ANKFN1: variants seen among roughly 807,000 people sequenced by gnomAD.
The protein encoded by ANKFN1 is ankyrin repeat and fibronectin type III domain containing 1, also known as ankyrin repeat and fibronectin type-III domain-containing protein 1.
A neutral mutation model predicts 108.7 loss-of-function variants in ANKFN1; 74 were observed. The ratio of observed to expected loss-of-function variants is 0.68; its 90% CI spans 0.56 to 0.83. The LOEUF (loss-of-function observed/expected upper bound fraction) is 0.83, where lower values mean the gene tolerates loss of function less well. Among genes scored for constraint, ANKFN1 ranks in the 40% least tolerant of loss-of-function variants. The pLI is 0.00. For missense variants in ANKFN1, 1,505 were observed against 1,382.3 expected, an observed-to-expected ratio of 1.09 and a Z score of -1.41; for synonymous variants, 547 against 516.2, an observed-to-expected ratio of 1.06 and a Z score of -0.81.
chr17:56,160,670 G>A (rs912134529), intron 1 of ANKFN1, among the ~76,000 whole-genome samples: 2 of 152,146 alleles, frequency 1.3e-5, no homozygotes, highest in South Asian at 2.1e-4. Flanking sequence ...GGGAGCTGCC[G>A]ATTGCTTCCA....
At chr17:56,338,536 G>A in intron 4 of ANKFN1, among the ~76,000 whole-genome samples, 1 of 152,010 alleles carries the variant, frequency 6.6e-6, no homozygotes, top group East Asian at 1.9e-4. Flanking sequence ...GCTCTCTTAA[G>A]AGTGATATCC....
At chr17:56,320,785 T>A (rs963746062) in intron 3 of ANKFN1, among the ~76,000 whole-genome samples, 1 of 152,066 alleles carries the variant, frequency 6.6e-6, no homozygotes. Flanking sequence ...TTTAAGAGAA[T>A]CCCGTTTCTC....
Position 56,090,559 on chromosome 17 carries a change from A to G in ANKFN1, c.288+44234A>G, listed in dbSNP as rs745586479. Among the ~76,000 whole-genome samples, 15 of 150,918 alleles carry G rather than the reference A, an allele frequency of 9.9e-5. 1 individual carries two copies. The highest frequency in any genetic ancestry group is 2.1e-4 in the Non-Finnish European group (14 of 67,638). ...TCTTTGATAGTCACAAACACTGTCT[A>G]CTCTAGATTCTAATACAAAATTGTA... On this transcript the variant is annotated intron_variant, in intron 4 of 12. Transcript: ENST00000635860.
intron 4 of ANKFN1, among the ~76,000 whole-genome samples, chr17:56,336,689 T>C (rs2045820460): frequency 6.6e-6 from 1 of 152,200 alleles, no homozygotes; most frequent in African/African-American, 2.4e-5. Context: ...TCATTGATTT[T>C]TTTGAAGGGT....
intron 15 of ANKFN1, chr17:56,472,618 AC>A (rs1243150093): frequency 4.6e-5 from 7 of 152,248 alleles, no homozygotes. Flanking sequence ...ACAGAAAAAA[AC>A]AAATGAATAA....
At chr17:56,314,219 A>T (rs948025126) in intron 3 of ANKFN1, among the ~76,000 whole-genome samples, 8 of 152,186 alleles carry the variant, frequency 5.3e-5, no homozygotes, top group African/African-American at 1.9e-4. Flanking sequence ...GGCTGTTTTA[A>T]CTAAGACTGC....
chr17:56,076,156 G>A (rs952105748), intron 4 of ANKFN1, among the ~76,000 whole-genome samples: 1 of 152,052 alleles, frequency 6.6e-6, no homozygotes, highest in African/African-American at 2.4e-5. Context: ...TCTGTAATAT[G>A]GAATTCTCAA....
chr17:56,169,791 T>A (rs1486533835), intron 1 of ANKFN1, among the ~76,000 whole-genome samples: 2 of 152,212 alleles, frequency 1.3e-5, no homozygotes, highest in African/African-American at 4.8e-5. Flanking sequence ...CTGCTACTCC[T>A]GTTCTGCCCT....
intron 4 of ANKFN1, among the ~76,000 whole-genome samples, chr17:56,103,646 C>T (rs16956658): frequency 0.043 from 6,501 of 152,240 alleles, 472 homozygotes; most frequent in African/African-American, 0.15. Context: ...CAGTTTCATT[C>T]AACCAGCATA....
At chr17:56,372,965 A>G (rs1028953251) in intron 7 of ANKFN1, 125 bp downstream of exon 7, 11 of 965,946 alleles carry the variant, frequency 1.1e-5, no homozygotes, top group Non-Finnish European at 1.7e-5. Flanking sequence ...GTCAGCCTGT[A>G]TGGAGCAAGG....
chr17:56,384,343 C>G (rs1383500213), intron 8 of ANKFN1, among the ~76,000 whole-genome samples: 1 of 149,880 alleles, frequency 6.7e-6, no homozygotes, highest in Non-Finnish European at 1.5e-5. Context: ...ATAATAAGAG[C>G]TATCTATGAC....
chr17:56,233,890 G>C (rs563284358), intron 3 of ANKFN1, among the ~76,000 whole-genome samples: 2 of 151,912 alleles, frequency 1.3e-5, no homozygotes, highest in Non-Finnish European at 2.9e-5. Flanking sequence ...AAACAGAAAA[G>C]GTATACCTCA....
At chr17:56,273,949 T>C (rs1402711068) in intron 3 of ANKFN1, among the ~76,000 whole-genome samples, 2 of 152,220 alleles carry the variant, frequency 1.3e-5, no homozygotes, top group Non-Finnish European at 2.9e-5. Flanking sequence ...TTTCTTGACA[T>C]TGACTTCTTC....
intron 16 of ANKFN1, among the ~76,000 whole-genome samples, chr17:56,478,723 A>G (rs2050596062): frequency 6.8e-6 from 1 of 147,858 alleles, no homozygotes; most frequent in Admixed American, 6.6e-5. Context: ...GGAATAGACA[A>G]GAAAAAAAAA....
At chr17:56,170,919 C>T (rs1910642068) in intron 1 of ANKFN1, among the ~76,000 whole-genome samples, 1 of 150,602 alleles carries the variant, frequency 6.6e-6, no homozygotes, top group Non-Finnish European at 1.5e-5. Flanking sequence ...ACACATACAT[C>T]CCTATTTTCT....
rs2051068465 is a variant in ANKFN1, at chr17:56,492,365, T to C, written c.2427+12T>C. 8.6e-6 allele frequency: 6 copies of C among 700,208 alleles called. No homozygotes were observed. Among genetic ancestry groups the C allele is most frequent in the South Asian group, 1.5e-5 (1 of 67,508 alleles). 43.4% of individuals were successfully genotyped at this position (700,208 alleles called of 1,614,324 possible). On this transcript the variant is annotated intron_variant, in intron 19 of 20. Coordinates refer to ENST00000682825, the MANE Select transcript of ANKFN1 (RefSeq NM_001370326.1). Reference sequence around the variant, plus strand: ...TAGATTTCATTCAGGTAATTGTTTGTTCCTTCTGGGGTAAAAGGAAGGGAG... The same window carrying C: ...TAGATTTCATTCAGGTAATTGTTTGCTCCTTCTGGGGTAAAAGGAAGGGAG...
chr17:56,508,878 G>T (rs2051655408), intron 20 of ANKFN1, among the ~76,000 whole-genome samples: 1 of 152,140 alleles, frequency 6.6e-6, no homozygotes, highest in Non-Finnish European at 1.5e-5. Flanking sequence ...CAAGTACAGT[G>T]CTTCTATTAG....
intron 3 of ANKFN1, among the ~76,000 whole-genome samples, chr17:56,301,077 G>A (rs544578387): frequency 6.6e-6 from 1 of 152,314 alleles, no homozygotes; most frequent in East Asian, 1.9e-4. Context: ...ACAAAGCTTG[G>A]TGAAGATGAC....
chr17:56,357,889 T>C (rs567711654), intron 6 of ANKFN1, among the ~76,000 whole-genome samples: 2 of 152,308 alleles, frequency 1.3e-5, no homozygotes, highest in South Asian at 4.1e-4. Flanking sequence ...CACAACTGGC[T>C]TGTGAGGGAG....
Sources: allele counts gnomAD v4.1 joint callset (sites outside exome capture counted in the v4.1 genomes callset), GRCh38; gene constraint gnomAD v4.1.1; transcripts MANE v1.5; gene names NCBI Gene and HGNC (gene_info 2026-07-23, HGNC 2026-07-21).